Variants in CFAP54 observed in about 807,000 individuals in gnomAD.
CFAP54 encodes the protein cilia and flagella associated protein 54.
CFAP54 carries 290 observed loss-of-function variants against 370.4 expected under a neutral mutation model. That is an observed-to-expected ratio of 0.78 (90% CI 0.71 to 0.86). The LOEUF (loss-of-function observed/expected upper bound fraction) is 0.86. Among genes scored for constraint, CFAP54 ranks in the 40% least tolerant of loss-of-function variants. CFAP54 has a pLI of 0.00. For synonymous variants in CFAP54, 1,206 were observed against 1,236.5 expected (o/e 0.98, Z 0.52); for missense variants, 3,399 against 3,528.7 (o/e 0.96, Z 0.93).
intron 66 of CFAP54, among the ~76,000 whole-genome samples, chr12:96,831,699 TC>T (rs1959171699): frequency 6.6e-6 from 1 of 152,164 alleles, no homozygotes; most frequent in Non-Finnish European, 1.5e-5. Flanking sequence ...CTCATTAGCT[TC>T]CTGGGGTCAG....
intron 23 of CFAP54, among the ~76,000 whole-genome samples, chr12:96,591,032 T>C (rs1347722236): frequency 6.6e-6 from 1 of 152,152 alleles, no homozygotes. Context: ...AATTGAACCC[T>C]AGGCATTGCT....
At chr12:96,678,973 C>T (rs957870092) in intron 39 of CFAP54, among the ~76,000 whole-genome samples, 4 of 152,132 alleles carry the variant, frequency 2.6e-5, no homozygotes, top group African/African-American at 4.8e-5. Flanking sequence ...TCTCTTGGTC[C>T]TGCTTCATGA....
intron 51 of CFAP54, among the ~76,000 whole-genome samples, chr12:96,741,368 G>A (rs1012177546): frequency 1.3e-5 from 2 of 152,026 alleles, no homozygotes; most frequent in African/African-American, 2.4e-5. Context: ...TCACCATATT[G>A]GTCAGGCTGG....
chr12:96,568,086 A>C (rs936217469), intron 19 of CFAP54, among the ~76,000 whole-genome samples: 3 of 151,608 alleles, frequency 2.0e-5, no homozygotes, highest in Non-Finnish European at 4.4e-5. Flanking sequence ...TGTTAGCAGT[A>C]ATTGGATTTA....
chr12:96,602,287 G>A (rs1956251097), intron 26 of CFAP54, among the ~76,000 whole-genome samples: 1 of 152,168 alleles, frequency 6.6e-6, no homozygotes, highest in Admixed American at 6.5e-5. Context: ...TCTTAATCCC[G>A]AGTTCTAATT....
intron 66 of CFAP54, among the ~76,000 whole-genome samples, chr12:96,859,854 A>C (rs1359469798): frequency 6.6e-6 from 1 of 152,228 alleles, no homozygotes; most frequent in Non-Finnish European, 1.5e-5. Flanking sequence ...ACCATCTGGA[A>C]GGATACTCTC....
intron 24 of CFAP54, among the ~76,000 whole-genome samples, chr12:96,592,853 T>A (rs954460431): frequency 1.3e-5 from 2 of 152,204 alleles, no homozygotes; most frequent in African/African-American, 4.8e-5. Context: ...CTTTTCCCCC[T>A]GTGTGTAAAA....
intron 25 of CFAP54, among the ~76,000 whole-genome samples, chr12:96,594,957 A>C (rs1248579078): frequency 6.6e-6 from 1 of 152,112 alleles, no homozygotes; most frequent in Admixed American, 6.5e-5. Context: ...AAGGACACTC[A>C]TTTACATTCT....
chr12:96,563,927 A>G (rs1168632199), intron 17 of CFAP54, among the ~76,000 whole-genome samples: 1 of 152,212 alleles, frequency 6.6e-6, no homozygotes, highest in Non-Finnish European at 1.5e-5. Flanking sequence ...CATGATGGTC[A>G]GTCCCAATTG....
chr12:96,783,579 A>G (rs1401759372), intron 60 of CFAP54, among the ~76,000 whole-genome samples: 1 of 152,220 alleles, frequency 6.6e-6, no homozygotes, highest in African/African-American at 2.4e-5. Flanking sequence ...TTACTCTTAT[A>G]ATGCCCATTT....
intron 56 of CFAP54, 102 bp from the exon 57 acceptor site, chr12:96,756,356 C>T (rs112562254): frequency 1.5e-6 from 1 of 662,124 alleles, no homozygotes; most frequent in Non-Finnish European, 2.6e-6. Flanking sequence ...TACAAAAGGA[C>T]AGCACATCAA....
intron 50 of CFAP54, 96 bp downstream of exon 50, chr12:96,720,661 ATTCCTATATCCATAGTAT>A: frequency 2.0e-6 from 2 of 1,021,488 alleles, no homozygotes; most frequent in Non-Finnish European, 2.6e-6. Flanking sequence ...AGTTTTAGAA[ATTCCTATATCCATAGTAT>A]GCTTGCTTTT....
At position 96,654,473 on chromosome 12, in the gene CFAP54, C is replaced by T. The variant is rs182772242; in HGVS notation, c.5100+2658C>T. Among the ~76,000 whole-genome samples the T allele has an allele frequency of 9.5e-3, 1,418 of 149,768 alleles. 52 individuals carry two copies. In the East Asian group the frequency reaches 0.1, roughly 11 times the overall value. ...CCGAGATCCCGCCGCTGCACTCCAG[C>T]CTGGGCGACAGAGCGAGACTCCGTC... On this transcript the variant is annotated intron_variant, in intron 36 of 67. Coordinates refer to ENST00000524981, the MANE Select transcript of CFAP54 (RefSeq NM_001306084.2).
At chr12:96,819,709 G>C (rs1400988532) in intron 65 of CFAP54, among the ~76,000 whole-genome samples, 1 of 152,036 alleles carries the variant, frequency 6.6e-6, no homozygotes, top group Non-Finnish European at 1.5e-5. Context: ...GATTTTTCTT[G>C]ACTTGTCTTT....
Position 96,584,173 on chromosome 12 carries a change from A to G in CFAP54, c.3075+3068A>G, listed in dbSNP as rs569001559. On this transcript the variant is annotated intron_variant, in intron 22 of 67. Transcript: ENST00000524981. ...CTATTTTATTTTTCATTCAAATAAA[A>G]AAAAAATAGGCCCAGTGTAGTGGCT... Among the ~76,000 whole-genome samples the G allele has an allele frequency of 3.9e-5, 6 of 152,224 alleles. No individual in the cohort carries two copies. The East Asian group carries it at 7.7e-4, about 20-fold the overall frequency.
chr12:96,553,649 T>A (rs972541868), intron 15 of CFAP54, among the ~76,000 whole-genome samples: 1 of 150,898 alleles, frequency 6.6e-6, no homozygotes, highest in South Asian at 2.1e-4. Flanking sequence ...TTTGAAAGTT[T>A]GGGCAAAGCT....
At chr12:96,535,422 ATTTT>A (rs11453356) in intron 11 of CFAP54, 89 bp from the exon 12 acceptor site, 1 of 734,366 alleles carries the variant, frequency 1.4e-6, no homozygotes, top group Non-Finnish European at 2.3e-6. Flanking sequence ...CATTTGTGTC[ATTTT>A]TTTAGCATAT....
chr12:96,553,934 CAT>C (rs1305121940), intron 15 of CFAP54, among the ~76,000 whole-genome samples: 1 of 151,958 alleles, frequency 6.6e-6, no homozygotes, highest in Non-Finnish European at 1.5e-5. Flanking sequence ...TATATTAATA[CAT>C]GTTTGTGAAA....
chr12:96,542,290 C>T (rs1282337483), intron 14 of CFAP54, among the ~76,000 whole-genome samples: 1 of 152,172 alleles, frequency 6.6e-6, no homozygotes, highest in Non-Finnish European at 1.5e-5. Flanking sequence ...AAGGCCCAAG[C>T]TCTGTCCTAC....
Sources: gnomAD v4.1 joint callset for allele counts (sites outside exome capture counted in the v4.1 genomes callset) on GRCh38, gnomAD v4.1.1 for gene constraint, MANE v1.5 for transcripts, NCBI Gene and HGNC (gene_info 2026-07-23, HGNC 2026-07-21) for gene names.